SPR: variants seen among roughly 807,000 people sequenced by gnomAD.
SPR encodes sepiapterin reductase.
Under a neutral mutation model 16.0 loss-of-function variants are expected in SPR, and 12 were observed. That is an observed-to-expected ratio of 0.75 (90% confidence interval 0.48 to 1.22). The LOEUF (loss-of-function observed/expected upper bound fraction) is 1.22. Ranked by LOEUF, SPR falls within the 50% of genes most tolerant of loss-of-function variation. The probability of loss-of-function intolerance (pLI) is 0.00; values close to 1 mark genes in which losing one functional copy is unlikely to be tolerated. For missense variants in SPR, 324 were observed against 344.4 expected, an observed-to-expected ratio of 0.94 and a Z score of 0.47; for synonymous variants, 177 against 168.5, an observed-to-expected ratio of 1.05 and a Z score of -0.39.
rs569725534 is a variant in SPR, at chr2:72,888,997, A to T, written c.595+393A>T. 3.9e-5 allele frequency among the ~76,000 whole-genome samples: 6 copies of T among 152,296 alleles called. No individual in the cohort carries two copies. The South Asian group carries it at 1.2e-3, about 32-fold the overall frequency. On this transcript the variant is annotated intron_variant, in intron 2 of 2. Coordinates refer to ENST00000234454, the MANE Select transcript of SPR (RefSeq NM_003124.5). ...ACCCTGACCTGTGAAGTGTTGCCTC[A>T]TTGTTAAATAGGACTGACCACACTG...
At chr2:72,890,405 C>G (rs369202037) in intron 2 of SPR, among the ~76,000 whole-genome samples, 19 of 152,286 alleles carry the variant, frequency 1.2e-4, no homozygotes, top group African/African-American at 4.1e-4. Context: ...TGCAGTGGCA[C>G]GATCTCGGCC....
In SPR at chr2:72,891,324, ATCGTC is replaced by A; in HGVS notation, c.596-20_596-16del. ...GTCCCTGCCTTGGCCATGTTCCCTC[ATCGTC>A]TCCTTTTCATCCTCTAGGTCCTCTG... On this transcript the variant is annotated intron_variant, in intron 2 of 2. Coordinates refer to ENST00000234454, the MANE Select transcript of SPR (RefSeq NM_003124.5). 1 of 1,613,936 alleles carries A rather than the reference ATCGTC, an allele frequency of 6.2e-7. No homozygotes were observed. The highest frequency in any genetic ancestry group is 8.5e-7 in the Non-Finnish European group (1 of 1,179,924).
intron 2 of SPR, among the ~76,000 whole-genome samples, chr2:72,890,197 C>T (rs1053954030): frequency 2.0e-5 from 3 of 152,136 alleles, no homozygotes; most frequent in Non-Finnish European, 4.4e-5. Context: ...TCACTGTGGG[C>T]GTGGCAGGTC....
At position 72,888,049 on chromosome 2, in the gene SPR, ACT is replaced by A. The variant is rs923637001; in HGVS notation, c.305-260_305-259del. 1.3e-3 allele frequency among the ~76,000 whole-genome samples: 196 copies of A among 151,864 alleles called. 2 individuals carry two copies. The highest frequency in any genetic ancestry group is 4.4e-3 in the African/African-American group (180 of 41,308). ...GGGCTTGGAGTCTCCAAACAAGTAAACTCTCTGCTTCTCCAAAGGACCGCTAG... is the reference window on the plus strand; with the variant it reads ...GGGCTTGGAGTCTCCAAACAAGTAAACTCTGCTTCTCCAAAGGACCGCTAG... On this transcript the variant is annotated intron_variant, in intron 1 of 2. Transcript: ENST00000234454.
intron 1 of SPR, 128 bp from the exon 2 acceptor site, chr2:72,888,186 T>C (rs1670570089): frequency 2.0e-6 from 2 of 980,302 alleles, no homozygotes; most frequent in African/African-American, 1.6e-5. Context: ...GAGAAGCCTC[T>C]TCAGAAGCGC....
At position 72,887,692 on chromosome 2, in the gene SPR, C is replaced by T; in HGVS notation, c.260C>T (p.Pro87Leu). The part of the protein sequence containing the change: ...QQLLGALREL[P>L]RPKGLQRLLL... ...CTGCTCGGCGCCCTGCGCGAGCTCC[C>T]CCGGCCCAAGGGGCTGCAGCGACTG... Residue 87 changes from proline to leucine, a missense_variant, in exon 1 of 3, where the codon CCC (proline) becomes CTC (leucine). Transcript: ENST00000234454. 4.7e-6 allele frequency: 7 copies of T among 1,503,548 alleles called. No homozygotes were observed. Among genetic ancestry groups the T allele is most frequent in the Non-Finnish European group, 6.2e-6 (7 of 1,132,984 alleles). The allele number at this position is 1,503,548 out of a possible 1,614,324, so 93.1% of individuals were successfully genotyped here.
chr2:72,888,763 G>A (rs1670579940), intron 2 of SPR, among the ~76,000 whole-genome samples, 159 bp downstream of exon 2: 1 of 152,268 alleles, frequency 6.6e-6, no homozygotes, highest in African/African-American at 2.4e-5. Flanking sequence ...AGACCCAGGG[G>A]AAATAGAGGT....
At position 72,891,538 on chromosome 2, in the gene SPR, G is replaced by T. The variant is rs1670622501; in HGVS notation, c.*1G>T. ...CCACGTGGACTTCTATGACAAATAA[G>T]CCCATGTTTTTGGCTTCCTGAACCT... On this transcript the variant is annotated 3_prime_UTR_variant, in exon 3 of 3. Transcript: ENST00000234454. 2 of 1,614,120 alleles carry T rather than the reference G, an allele frequency of 1.2e-6. No individual in the cohort carries two copies. The highest frequency in any genetic ancestry group is 2.7e-5 in the African/African-American group (2 of 74,940).
chr2:72,891,326 C>G, intron 2 of SPR, 21 bp from the exon 3 acceptor site: 1 of 1,613,982 alleles, frequency 6.2e-7, no homozygotes, highest in Non-Finnish European at 8.5e-7. Context: ...GTTCCCTCAT[C>G]GTCTCCTTTT....
Position 72,888,600 on chromosome 2 carries a change from C to T in SPR, c.591C>T (p.Ala197=), listed in dbSNP as rs1670577809. Residue 197 remains alanine, a synonymous_variant, in exon 2 of 3, where the codon GCC becomes GCT. Transcript: ENST00000234454. ...CTAATGTGAGGGTGCTGAACTATGC[C>T]CCAGGTAGGTGGGAAGTCCTGCCGT... ...EEPNVRVLNY[A]PGPLDTDMQQ... 1 of 1,592,026 alleles carries T rather than the reference C, an allele frequency of 6.3e-7. No individual in the cohort carries two copies. The highest frequency in any genetic ancestry group is 8.6e-7 in the Non-Finnish European group (1 of 1,167,880).
chr2:72,888,576 TA>T lies in SPR; in HGVS notation c.569del (p.Asn190MetfsTer2), dbSNP rs1238757721. ...TCCAGGTCCTGGCGCTGGAGGAACC[TA>T]ATGTGAGGGTGCTGAACTATGCCCC... ...LFQVLALEEP[N>X]VRVLNYAPGP... is the part of the protein sequence containing the mutation. On this transcript the variant is annotated frameshift_variant, in exon 2 of 3. Coordinates refer to ENST00000234454, the MANE Select transcript of SPR (RefSeq NM_003124.5). LOFTEE classifies it high-confidence loss of function. 1.3e-6 allele frequency: 2 copies of T among 1,596,922 alleles called. No individual in the cohort carries two copies. The highest frequency in any genetic ancestry group is 3.4e-5 in the Admixed American group (2 of 58,894).
At chr2:72,890,573 C>T (rs1416978983) in intron 2 of SPR, among the ~76,000 whole-genome samples, 2 of 152,146 alleles carry the variant, frequency 1.3e-5, no homozygotes, top group Non-Finnish European at 2.9e-5. Flanking sequence ...AATCTCCTGA[C>T]CTCATGATCT....
intron 2 of SPR, among the ~76,000 whole-genome samples, chr2:72,891,048 A>C (rs1670613487): frequency 1.3e-5 from 2 of 152,130 alleles, no homozygotes; most frequent in Non-Finnish European, 2.9e-5. Flanking sequence ...GGAAAAGAAT[A>C]CTTCATTAAT....
Position 72,888,915 on chromosome 2 carries a change from G to A in SPR, c.595+311G>A, listed in dbSNP as rs547042658. On this transcript the variant is annotated intron_variant, in intron 2 of 2. Coordinates refer to ENST00000234454, the MANE Select transcript of SPR (RefSeq NM_003124.5). ...CTTCCTCATGTGAAATGGGGAAGACGCTCCCTGCCTCACAGGGCACTTGGG... is the reference window on the plus strand; with the variant it reads ...CTTCCTCATGTGAAATGGGGAAGACACTCCCTGCCTCACAGGGCACTTGGG... Among the ~76,000 whole-genome samples, 6 of 152,190 alleles carry A rather than the reference G, an allele frequency of 3.9e-5. No individual in the cohort carries two copies. In the East Asian group the frequency reaches 5.8e-4, roughly 15 times the overall value.
rs1670626855 is a variant in SPR at position 72,891,876 on chromosome 2, A to G, written c.*339A>G. On this transcript the variant is annotated 3_prime_UTR_variant, in exon 3 of 3. Coordinates refer to ENST00000234454, the MANE Select transcript of SPR (RefSeq NM_003124.5). ...AGAGGAGGTTGTGTCTCTTGCTCAT[A>G]GCAAGCCTGTGGGTAGAGGAAAGAG... The G allele has an allele frequency of 8.3e-6, 3 of 362,326 alleles. No individual in the cohort carries two copies. The allele number at this position is 362,326 out of a possible 1,614,324, so 22.4% of individuals were successfully genotyped here. A position where few individuals can be genotyped will look rare whatever the true frequency, so the allele number is the denominator to read the frequency against.
Position 72,891,382 on chromosome 2 carries a change from G to A in SPR, c.631G>A (p.Glu211Lys), listed in dbSNP as rs1231707973. 1.2e-6 allele frequency: 2 copies of A among 1,614,178 alleles called. No individual in the cohort carries two copies. The highest frequency in any genetic ancestry group is 1.7e-5 in the Admixed American group (1 of 60,020). The part of the protein sequence containing the change: ...LDTDMQQLAR[E>K]TSVDPDMRKG... ...CACAGACATGCAGCAGTTGGCCCGG[G>A]AGACCTCCGTGGACCCAGACATGCG... is the stretch of plus-strand genomic sequence containing the variant. The change falls in exon 3 of 3, where the codon GAG (glutamate) becomes AAG (lysine). Residue 211 changes from glutamate (E) to lysine (K), a missense_variant. Glu to Lys is a moderately conservative substitution (Grantham distance 56). Coordinates refer to ENST00000234454, the MANE Select transcript of SPR (RefSeq NM_003124.5).
At chr2:72,889,449 G>C (rs904838262) in intron 2 of SPR, among the ~76,000 whole-genome samples, 2 of 152,180 alleles carry the variant, frequency 1.3e-5, no homozygotes, top group African/African-American at 4.8e-5. Context: ...ATAGGGTCAG[G>C]CTCCCAGGGC....
chr2:72,887,648 C>T lies in SPR; in HGVS notation c.216C>T (p.Ala72=), dbSNP rs1446515260. The T allele has an allele frequency of 6.8e-7, 1 of 1,469,788 alleles. No individual in the cohort carries two copies. Among genetic ancestry groups the T allele is most frequent in the Admixed American group, 2.5e-5 (1 of 40,620 alleles). The allele number at this position is 1,469,788 out of a possible 1,614,324, so 91.0% of individuals were successfully genotyped here. A position where few individuals can be genotyped will look rare whatever the true frequency, so the allele number is the denominator to read the frequency against. Residue 72 remains alanine, a synonymous_variant, in exon 1 of 3, where the codon GCC becomes GCT. Transcript: ENST00000234454. ...RVVRVPADLG[A]EAGLQQLLGA... ...TGCGGGTGCCCGCCGACCTGGGCGC[C>T]GAGGCCGGCTTGCAGCAGCTGCTCG...
rs770655581 is a variant in SPR at position 72,887,443 on chromosome 2, G to C, written c.11G>C (p.Gly4Ala). The change falls in exon 1 of 3, where the codon GGG becomes GCG. Residue 4 changes from glycine (G) to alanine (A), a missense_variant. Transcript: ENST00000234454. Reference protein sequence around the residue: MEGGLGRAVCLLTG... With the variant: MEGALGRAVCLLTG... Reference sequence around the variant, plus strand: ...GCGGAGAACAGGAGCATGGAGGGCGGGCTGGGGCGTGCTGTGTGCTTGCTG... The same window carrying C: ...GCGGAGAACAGGAGCATGGAGGGCGCGCTGGGGCGTGCTGTGTGCTTGCTG... The C allele has an allele frequency of 6.7e-7, 1 of 1,501,556 alleles. No homozygotes were observed. Among genetic ancestry groups the C allele is most frequent in the Non-Finnish European group, 8.8e-7 (1 of 1,131,280 alleles). The allele number at this position is 1,501,556 out of a possible 1,614,324, so 93.0% of individuals were successfully genotyped here. A position where few individuals can be genotyped will look rare whatever the true frequency, so the allele number is the denominator to read the frequency against.
Sources: gnomAD v4.1 joint callset for allele counts (sites outside exome capture counted in the v4.1 genomes callset) on GRCh38, gnomAD v4.1.1 for gene constraint, MANE v1.5 for transcripts, NCBI Gene and HGNC (gene_info 2026-07-23, HGNC 2026-07-21) for gene names.